RANBP17: variants seen among roughly 807,000 people sequenced by gnomAD.
The protein encoded by RANBP17 is ran-binding protein 17.
A neutral mutation model predicts 141.2 loss-of-function variants in RANBP17; 158 were observed. The observed-to-expected ratio is 1.12, with a 90% CI of 0.98 to 1.28. The LOEUF (loss-of-function observed/expected upper bound fraction) is 1.28, where lower values mean the gene tolerates loss of function less well. Among genes scored for constraint, RANBP17 ranks in the 50% most tolerant of loss-of-function variants. The pLI, the probability that RANBP17 is intolerant of heterozygous loss-of-function variation, is 0.00. For missense variants in RANBP17, 1,438 were observed against 1,290.7 expected (o/e 1.11, Z -1.75); for synonymous variants, 430 against 450.0 (o/e 0.96, Z 0.56).
intron 1 of RANBP17, among the ~76,000 whole-genome samples, chr5:170,876,937 T>C (rs1455223060): frequency 6.6e-6 from 1 of 152,224 alleles, no homozygotes; most frequent in African/African-American, 2.4e-5. Context: ...TTTCAGAGAC[T>C]GATTCTCTAA....
At chr5:171,177,638 T>C (rs1403500128) in intron 16 of RANBP17, among the ~76,000 whole-genome samples, 1 of 152,228 alleles carries the variant, frequency 6.6e-6, no homozygotes, top group Non-Finnish European at 1.5e-5. Context: ...CAGTCTTGGC[T>C]AAAGACTTAG....
chr5:171,196,693 A>ACTTT (rs1306563685), intron 18 of RANBP17, among the ~76,000 whole-genome samples: 4 of 152,214 alleles, frequency 2.6e-5, no homozygotes, highest in Non-Finnish European at 5.9e-5. Context: ...CTCATGGCTA[A>ACTTT]CTTTATGAAG....
At chr5:171,042,716 G>T (rs964618485) in intron 14 of RANBP17, among the ~76,000 whole-genome samples, 4 of 152,082 alleles carry the variant, frequency 2.6e-5, no homozygotes, top group African/African-American at 9.7e-5. Context: ...TCAAAAACAT[G>T]TAAAACTATA....
chr5:171,072,201 A>G (rs985023649), intron 14 of RANBP17, among the ~76,000 whole-genome samples: 3 of 152,124 alleles, frequency 2.0e-5, no homozygotes, highest in African/African-American at 7.2e-5. Flanking sequence ...AGAAAGAGAA[A>G]TATGAGCCAA....
chr5:171,080,243 A>C (rs1322081710), intron 14 of RANBP17, among the ~76,000 whole-genome samples: 2 of 95,014 alleles, frequency 2.1e-5, no homozygotes, highest in Non-Finnish European at 4.6e-5. Flanking sequence ...CACACACACA[A>C]AACACACACA....
At chr5:170,961,672 A>G (rs1456317631) in intron 13 of RANBP17, among the ~76,000 whole-genome samples, 3 of 152,230 alleles carry the variant, frequency 2.0e-5, no homozygotes, top group Non-Finnish European at 4.4e-5. Flanking sequence ...AGTATAATGC[A>G]GATATTCCAA....
At chr5:170,936,425 T>A (rs1485666987) in intron 12 of RANBP17, among the ~76,000 whole-genome samples, 1 of 152,176 alleles carries the variant, frequency 6.6e-6, no homozygotes, top group Non-Finnish European at 1.5e-5. Context: ...CAAGCCGCTG[T>A]TTTATTTTTA....
intron 14 of RANBP17, among the ~76,000 whole-genome samples, chr5:171,100,853 A>G (rs1787103889): frequency 2.0e-5 from 3 of 152,106 alleles, no homozygotes; most frequent in Admixed American, 1.3e-4. Flanking sequence ...TAATTTCGTT[A>G]TTTACCCAGT....
intron 14 of RANBP17, among the ~76,000 whole-genome samples, chr5:171,069,882 T>C (rs1210305021): frequency 6.6e-6 from 1 of 152,160 alleles, no homozygotes; most frequent in Non-Finnish European, 1.5e-5. Context: ...AGATTAAGCA[T>C]AGGTAGGTTT....
chr5:171,051,237 C>G (rs138363838), intron 14 of RANBP17, among the ~76,000 whole-genome samples: 1 of 151,756 alleles, frequency 6.6e-6, no homozygotes. Flanking sequence ...TTCCTTTTTT[C>G]TTTATTTATT....
chr5:170,903,985 C>T, intron 5 of RANBP17: 2 of 485,558 alleles, frequency 4.1e-6, no homozygotes, highest in South Asian at 3.5e-5. Context: ...AACATTCCTA[C>T]TAAAAGATTG....
intron 24 of RANBP17, among the ~76,000 whole-genome samples, chr5:171,251,066 A>G (rs1050383108): frequency 6.6e-6 from 1 of 152,214 alleles, no homozygotes; most frequent in African/African-American, 2.4e-5. Flanking sequence ...GATAGACCAT[A>G]TGTTAAGCCA....
intron 14 of RANBP17, among the ~76,000 whole-genome samples, chr5:170,971,934 T>C (rs1439732654): frequency 6.6e-6 from 1 of 152,168 alleles, no homozygotes; most frequent in Non-Finnish European, 1.5e-5. Context: ...TGCCCATCAT[T>C]CAGTTTTGTC....
intron 14 of RANBP17, among the ~76,000 whole-genome samples, chr5:171,050,491 C>T (rs781702761): frequency 1.9e-4 from 29 of 152,026 alleles, no homozygotes; most frequent in Non-Finnish European, 3.7e-4. Flanking sequence ...GAGACCAGTG[C>T]GGGCAGATGG....
At chr5:171,202,055 A>C (rs1209993728) in intron 19 of RANBP17, among the ~76,000 whole-genome samples, 1 of 152,214 alleles carries the variant, frequency 6.6e-6, no homozygotes, top group Non-Finnish European at 1.5e-5. Context: ...AGATAGTTTC[A>C]AATGCAGATT....
chr5:171,284,669 T>C, intron 25 of RANBP17: 1 of 152,156 alleles, frequency 6.6e-6, no homozygotes, highest in Non-Finnish European at 1.5e-5. Context: ...AGCTTCAGTA[T>C]GTTTCTAAGG....
At chr5:171,043,284 G>C (rs568261752) in intron 14 of RANBP17, among the ~76,000 whole-genome samples, 63 of 152,206 alleles carry the variant, frequency 4.1e-4, no homozygotes, top group African/African-American at 1.5e-3. Context: ...TTTCAAACTG[G>C]TTTACAATCA....
chr5:171,171,127 T>G, intron 15 of RANBP17, 79 bp from the exon 16 acceptor site: 1 of 753,800 alleles, frequency 1.3e-6, no homozygotes, highest in South Asian at 1.8e-5. Flanking sequence ...CAAACTTACA[T>G]AAATTTATGT....
intron 14 of RANBP17, among the ~76,000 whole-genome samples, chr5:171,064,054 G>A (rs1455945075): frequency 1.3e-5 from 2 of 152,232 alleles, no homozygotes; most frequent in Admixed American, 6.5e-5. Context: ...GATTTTCCAG[G>A]TGCTGTTTGT....
Sources: allele counts gnomAD v4.1 joint callset (sites outside exome capture counted in the v4.1 genomes callset), GRCh38; gene constraint gnomAD v4.1.1; transcripts MANE v1.5; gene names NCBI Gene and HGNC (gene_info 2026-07-23, HGNC 2026-07-21).